The following FBN2 variants were observed in gnomAD, a reference collection of about 807,000 sequenced individuals.
FBN2 encodes the protein fibrillin-2.
In FBN2, 105 loss-of-function variants were observed where a neutral mutation model predicts 355.6. The ratio of observed to expected loss-of-function variants is 0.30; its 90% CI spans 0.25 to 0.35. The LOEUF (loss-of-function observed/expected upper bound fraction) is 0.35. Ranked by LOEUF, FBN2 falls within the 10% of genes least tolerant of loss-of-function variation. FBN2 has a pLI of 1.00. For synonymous variants in FBN2, 1,350 were observed against 1,301.2 expected (o/e 1.04, Z -0.81); for missense variants, 3,280 against 3,758.7 (o/e 0.87, Z 3.33).
intron 2 of FBN2, among the ~76,000 whole-genome samples, chr5:128,533,871 A>G (rs1756778017): frequency 6.6e-6 from 1 of 152,186 alleles, no homozygotes; most frequent in Non-Finnish European, 1.5e-5. Flanking sequence ...TTAAAAAAAA[A>G]AAGGTGAGAA....
chr5:128,305,117 G>T, intron 44 of FBN2, 35 bp from the exon 45 acceptor site: 1 of 1,496,818 alleles, frequency 6.7e-7, no homozygotes, highest in South Asian at 1.2e-5. Flanking sequence ...ACATGTATCT[G>T]ATTTTTATTA....
chr5:128,427,160 G>A (rs1401234543), intron 7 of FBN2, among the ~76,000 whole-genome samples: 8 of 152,032 alleles, frequency 5.3e-5, no homozygotes, highest in Admixed American at 1.3e-4. Flanking sequence ...GGGATCCCTC[G>A]TAGGGGCCTG....
intron 5 of FBN2, among the ~76,000 whole-genome samples, chr5:128,483,625 C>T (rs1561479248): frequency 6.6e-6 from 1 of 150,938 alleles, no homozygotes; most frequent in Non-Finnish European, 1.5e-5. Flanking sequence ...TTCACTAATT[C>T]TATGTTAAAG....
chr5:128,434,394 G>GTGTATATA (rs377404948), intron 7 of FBN2, among the ~76,000 whole-genome samples: 2 of 91,678 alleles, frequency 2.2e-5, no homozygotes, highest in East Asian at 5.5e-4. Flanking sequence ...AATAAAGTGT[G>GTGTATATA]TATATATATA....
intron 6 of FBN2, among the ~76,000 whole-genome samples, chr5:128,456,256 G>A (rs1039803082): frequency 1.3e-5 from 2 of 151,970 alleles, no homozygotes; most frequent in Non-Finnish European, 2.9e-5. Context: ...CAGGATCTCC[G>A]ATAACTCCAG....
chr5:128,476,429 C>G, intron 5 of FBN2, among the ~76,000 whole-genome samples: 1 of 151,558 alleles, frequency 6.6e-6, no homozygotes, highest in East Asian at 1.9e-4. Flanking sequence ...ATAAACAGAA[C>G]GGCAAAGAAA....
At chr5:128,536,054 T>C (rs1031998495) in intron 2 of FBN2, among the ~76,000 whole-genome samples, 8 of 152,186 alleles carry the variant, frequency 5.3e-5, no homozygotes, top group East Asian at 1.9e-4. Context: ...TAACATGTGG[T>C]CTCATCTGGA....
At chr5:128,335,362 T>G (rs1561776503) in intron 29 of FBN2, 67 bp from the exon 30 acceptor site, 41 of 1,613,190 alleles carry the variant, frequency 2.5e-5, no homozygotes, top group Non-Finnish European at 2.9e-5. Flanking sequence ...ATGTTTTTGT[T>G]TTCTATCTGG....
At chr5:128,449,747 A>G (rs1754189373) in intron 6 of FBN2, among the ~76,000 whole-genome samples, 1 of 151,942 alleles carries the variant, frequency 6.6e-6, no homozygotes, top group African/African-American at 2.4e-5. Context: ...ATTCCATTAA[A>G]AAGTCTGATT....
At chr5:128,423,087 A>G (rs1031806121) in intron 7 of FBN2, among the ~76,000 whole-genome samples, 1 of 152,136 alleles carries the variant, frequency 6.6e-6, no homozygotes, top group Non-Finnish European at 1.5e-5. Flanking sequence ...TCTACAGCAG[A>G]AATAGTGAAA....
chr5:128,464,996 T>A (rs1754670692), intron 5 of FBN2, 75 bp from the exon 6 acceptor site: 2 of 1,348,952 alleles, frequency 1.5e-6, no homozygotes, highest in Non-Finnish European at 1.1e-6. Flanking sequence ...TCCAAATGCA[T>A]AAAACAGAGA....
rs751293821 is a variant in FBN2 at position 128,350,859 on chromosome 5, G to A, written c.2812+9C>T. On this transcript the variant is annotated intron_variant, in intron 21 of 64. Coordinates refer to ENST00000262464, the MANE Select transcript of FBN2 (RefSeq NM_001999.4). ...GGAGAAGCCCAGAAGCTCCCAATAA[G>A]GCTCCTACCTAGTTCACACCGCTCA... 4 of 1,613,814 alleles carry A rather than the reference G, an allele frequency of 2.5e-6. No homozygotes were observed. Among genetic ancestry groups the A allele is most frequent in the Middle Eastern group, 1.7e-4 (1 of 6,020 alleles).
chr5:128,430,378 T>A (rs1486739455), intron 7 of FBN2, among the ~76,000 whole-genome samples: 1 of 152,212 alleles, frequency 6.6e-6, no homozygotes, highest in Non-Finnish European at 1.5e-5. Flanking sequence ...AGTCTTTACT[T>A]TTTTGTTATA....
intron 7 of FBN2, among the ~76,000 whole-genome samples, chr5:128,439,247 T>C (rs1004746810): frequency 6.6e-6 from 1 of 152,152 alleles, no homozygotes; most frequent in Admixed American, 6.6e-5. Flanking sequence ...ACAAAACAAC[T>C]TTTTAGAATT....
chr5:128,317,984 A>G (rs1750256589), intron 36 of FBN2, among the ~76,000 whole-genome samples, 165 bp downstream of exon 36: 1 of 152,192 alleles, frequency 6.6e-6, no homozygotes, highest in South Asian at 2.1e-4. Context: ...CCGTGAGAGG[A>G]GGAAGGTGGA....
rs901479013 is a variant in FBN2 at position 128,361,982 on chromosome 5, C to A, written c.2429-134G>T. ...GACATAGTCTCTGTATCACAGCGCA[C>A]TCTTCATCCTAAGCAAAATATATTT... On this transcript the variant is annotated intron_variant, in intron 18 of 64. Coordinates refer to ENST00000262464, the MANE Select transcript of FBN2 (RefSeq NM_001999.4). The A allele has an allele frequency of 3.4e-6, 3 of 880,562 alleles. No individual in the cohort carries two copies. In the East Asian group the frequency reaches 7.4e-5, roughly 22 times the overall value. The allele number at this position is 880,562 out of a possible 1,614,324, so 54.5% of individuals were successfully genotyped here.
At chr5:128,368,427 T>C (rs1032162770) in intron 16 of FBN2, among the ~76,000 whole-genome samples, 9 of 137,612 alleles carry the variant, frequency 6.5e-5, no homozygotes, top group Non-Finnish European at 1.2e-4. Context: ...TGTGTATATA[T>C]ATATATACAC....
chr5:128,391,311 A>T (rs763522072), intron 11 of FBN2, among the ~76,000 whole-genome samples: 14 of 152,314 alleles, frequency 9.2e-5, no homozygotes, highest in Middle Eastern at 3.4e-3. Context: ...AAAACAAAAC[A>T]TCACCAAACC....
intron 5 of FBN2, among the ~76,000 whole-genome samples, chr5:128,517,334 T>G (rs954645407): frequency 1.6e-4 from 24 of 152,214 alleles, no homozygotes; most frequent in African/African-American, 5.8e-4. Flanking sequence ...CTACCAATTA[T>G]GATTATGTTT....
Sources: gnomAD v4.1 joint callset for allele counts (sites outside exome capture counted in the v4.1 genomes callset) on GRCh38, gnomAD v4.1.1 for gene constraint, MANE v1.5 for transcripts, NCBI Gene and HGNC (gene_info 2026-07-23, HGNC 2026-07-21) for gene names.